Variants in TIAM2 observed in about 807,000 individuals in gnomAD.
The protein encoded by TIAM2 is rho guanine nucleotide exchange factor TIAM2.
A neutral mutation model predicts 152.9 loss-of-function variants in TIAM2; 80 were observed. The observed-to-expected ratio is 0.52, with a 90% CI of 0.44 to 0.63. TIAM2 has a LOEUF of 0.63. Among genes scored for constraint, TIAM2 ranks in the 30% least tolerant of loss-of-function variants. The pLI is 0.00. For missense variants in TIAM2, 1,965 were observed against 2,120.1 expected, an observed-to-expected ratio of 0.93 and a Z score of 1.44; for synonymous variants, 804 against 838.0, an observed-to-expected ratio of 0.96 and a Z score of 0.70.
intron 2 of TIAM2, among the ~76,000 whole-genome samples, chr6:155,124,031 C>T (rs556933964): frequency 6.6e-5 from 10 of 152,244 alleles, no homozygotes; most frequent in Non-Finnish European, 1.3e-4. Context: ...ATTTTTGAGA[C>T]AGAGTTGACA....
At chr6:155,097,983 T>C (rs930315909) in intron 2 of TIAM2, among the ~76,000 whole-genome samples, 1 of 152,206 alleles carries the variant, frequency 6.6e-6, no homozygotes, top group Non-Finnish European at 1.5e-5. Flanking sequence ...TGAATTTTTA[T>C]CTGGATTCTC....
intron 2 of TIAM2, among the ~76,000 whole-genome samples, chr6:155,114,036 A>ATATTTTTTTTTTTTTTTTTTTTTTTTTTT: frequency 5.7e-5 from 2 of 34,906 alleles, no homozygotes; most frequent in African/African-American, 1.1e-4. Context: ...ATATATATAT[A>ATATTTTTTTTTTTTTTTTTTTTTTTTTTT]TTTTTTTTTT....
At chr6:155,038,878 G>C (rs754306859) in intron 1 of TIAM2, among the ~76,000 whole-genome samples, 2 of 150,672 alleles carry the variant, frequency 1.3e-5, no homozygotes, top group Non-Finnish European at 3.0e-5. Flanking sequence ...GCTGCAGTGA[G>C]CTGTGACTGT....
chr6:155,157,426 G>C (rs1023556281), intron 7 of TIAM2, among the ~76,000 whole-genome samples: 1 of 151,796 alleles, frequency 6.6e-6, no homozygotes, highest in African/African-American at 2.4e-5. Flanking sequence ...ACCCTTAGGA[G>C]AAGTATATTT....
At chr6:155,059,631 T>A (rs1777533237) in intron 1 of TIAM2, among the ~76,000 whole-genome samples, 1 of 152,082 alleles carries the variant, frequency 6.6e-6, no homozygotes, top group Admixed American at 6.6e-5. Context: ...TTGTGTTTGA[T>A]GTTTTATCAG....
At chr6:155,019,075 C>G (rs1776408468) in intron 1 of TIAM2, among the ~76,000 whole-genome samples, 3 of 150,618 alleles carry the variant, frequency 2.0e-5, no homozygotes, top group Admixed American at 1.3e-4. Flanking sequence ...GTGGCTCATG[C>G]CTGTAATCCC....
chr6:155,039,560 G>T (rs916824019), intron 1 of TIAM2, among the ~76,000 whole-genome samples: 1 of 142,704 alleles, frequency 7.0e-6, no homozygotes. Context: ...CAGAAGTGGG[G>T]TATAGGTCTG....
chr6:155,192,771 G>T (rs147429368), intron 14 of TIAM2, among the ~76,000 whole-genome samples: 168 of 152,260 alleles, frequency 1.1e-3, no homozygotes, highest in African/African-American at 3.8e-3. Context: ...TATTGCTTTG[G>T]TGGAAGTTAT....
At chr6:155,206,463 C>A (rs1781598737) in intron 14 of TIAM2, among the ~76,000 whole-genome samples, 2 of 152,144 alleles carry the variant, frequency 1.3e-5, no homozygotes, top group Non-Finnish European at 2.9e-5. Flanking sequence ...TCTCGATCTC[C>A]TGACCTCGTG....
chr6:155,226,099 G>A (rs1782231058), intron 15 of TIAM2, among the ~76,000 whole-genome samples: 3 of 152,154 alleles, frequency 2.0e-5, no homozygotes, highest in Admixed American at 2.0e-4. Flanking sequence ...GAAAGTGTAG[G>A]GCTTTCTAAG....
intron 2 of TIAM2, among the ~76,000 whole-genome samples, chr6:155,114,037 T>TTTTTTTTTTTTTTTG (rs1778944259): frequency 3.5e-5 from 1 of 28,502 alleles, no homozygotes; most frequent in Non-Finnish European, 6.9e-5. Context: ...TATATATATA[T>TTTTTTTTTTTTTTTG]TTTTTTTTTT....
chr6:155,239,673 C>CTCT (rs1263561329), intron 15 of TIAM2, among the ~76,000 whole-genome samples: 1 of 152,194 alleles, frequency 6.6e-6, no homozygotes, highest in African/African-American at 2.4e-5. Context: ...TCCTTCTTGT[C>CTCT]TCTTCATCTA....
intron 4 of TIAM2, among the ~76,000 whole-genome samples, chr6:155,130,817 C>T (rs1037986456): frequency 5.3e-5 from 8 of 152,140 alleles, no homozygotes; most frequent in South Asian, 2.1e-4. Flanking sequence ...TGTCCTCATG[C>T]GGCAGAGAGA....
chr6:155,069,219 C>A (rs1777778698), intron 1 of TIAM2, among the ~76,000 whole-genome samples: 1 of 152,122 alleles, frequency 6.6e-6, no homozygotes, highest in Non-Finnish European at 1.5e-5. Context: ...TTCAGCCACC[C>A]AAGTAGCTGG....
At chr6:155,029,296 ATATG>A (rs1776737723) in intron 1 of TIAM2, among the ~76,000 whole-genome samples, 1 of 119,668 alleles carries the variant, frequency 8.4e-6, no homozygotes, top group Non-Finnish European at 1.7e-5. Context: ...TATATATACT[ATATG>A]TACTATGTGT....
intron 1 of TIAM2, among the ~76,000 whole-genome samples, chr6:155,015,910 C>T (rs763698731): frequency 7.3e-6 from 1 of 137,698 alleles, no homozygotes; most frequent in Non-Finnish European, 1.5e-5. Context: ...ACACTCTAGC[C>T]TGGGCCACAG....
intron 15 of TIAM2, among the ~76,000 whole-genome samples, chr6:155,211,728 A>G (rs766617144): frequency 6.6e-6 from 1 of 151,998 alleles, no homozygotes; most frequent in Non-Finnish European, 1.5e-5. Flanking sequence ...CGTATATAAC[A>G]TAAAATATGC....
At chr6:155,140,573 TGAGAGA>T (rs57939338) in intron 5 of TIAM2, among the ~76,000 whole-genome samples, 4,774 of 107,394 alleles carry the variant, frequency 0.044, 152 homozygotes, top group African/African-American at 0.087. Flanking sequence ...TGTGTGTGTG[TGAGAGA>T]GAGAGAGAGA....
chr6:155,223,660 G>T (rs2031187496), intron 15 of TIAM2, among the ~76,000 whole-genome samples: 2 of 150,402 alleles, frequency 1.3e-5, no homozygotes, highest in Non-Finnish European at 1.5e-5. Flanking sequence ...AACAAAATGG[G>T]TTTTTTTTTG....
Sources: allele counts gnomAD v4.1 joint callset (sites outside exome capture counted in the v4.1 genomes callset), GRCh38; gene constraint gnomAD v4.1.1; transcripts MANE v1.5; gene names NCBI Gene and HGNC (gene_info 2026-07-23, HGNC 2026-07-21).